TRAF5: variants seen among roughly 807,000 people sequenced by gnomAD.
The protein encoded by TRAF5 is TNF receptor-associated factor 5.
A neutral mutation model predicts 64.5 loss-of-function variants in TRAF5; 48 were observed. The observed-to-expected ratio is 0.74, with a 90% CI of 0.59 to 0.95. The LOEUF is 0.95. TRAF5 is among the 40% of genes least tolerant of loss of function. TRAF5 has a pLI of 0.00. For synonymous variants in TRAF5, 206 were observed against 240.5 expected (o/e 0.86, Z 1.33); for missense variants, 545 against 662.8 (o/e 0.82, Z 1.95).
chr1:211,346,008 C>G (rs1055618200), intron 1 of TRAF5, among the ~76,000 whole-genome samples: 1 of 152,228 alleles, frequency 6.6e-6, no homozygotes, highest in African/African-American at 2.4e-5. Flanking sequence ...GGCAAACAGG[C>G]AAATGACTGG....
At position 211,326,944 on chromosome 1, in the gene TRAF5, GGGACACCGAC is replaced by G; in HGVS notation, c.-2+57_-2+66del. On this transcript the variant is annotated intron_variant, in intron 1 of 10. Transcript: ENST00000261464. This position sits in a 1 kb window ranked among gnomAD's most constrained non-coding sequence, Gnocchi z 5.0. The stretch of plus-strand genomic sequence containing the variant: ...CCCTCGCGACGGAAGGGCCGGGGTG[GGGACACCGAC>G]GAGCGCTTTTCATCTCGTCCCAGTT... 1.0e-6 allele frequency: 1 copy of G among 980,418 alleles called. No homozygotes were observed. Among genetic ancestry groups the G allele is most frequent in the Non-Finnish European group, 1.2e-6 (1 of 825,232 alleles). The allele number at this position is 980,418 out of a possible 1,614,324, so 60.7% of individuals were successfully genotyped here. A position where few individuals can be genotyped will look rare whatever the true frequency, so the allele number is the denominator to read the frequency against.
rs1183774719 is a variant in TRAF5 at position 211,372,671 on chromosome 1, C to T, written c.1643C>T (p.Ala548Val). ...GATGACACTCTGTTCTTGAAAGTGGCCGTGGACTTAACTGACCTGGAGGAT... is the reference window on the plus strand; with the variant it reads ...GATGACACTCTGTTCTTGAAAGTGGTCGTGGACTTAACTGACCTGGAGGAT... Reference protein sequence around the residue: ...IKDDTLFLKVAVDLTDLEDL With the variant: ...IKDDTLFLKVVVDLTDLEDL The change falls in exon 11 of 11, where the codon GCC becomes GTC. Residue 548 changes from alanine (A) to valine (V), a missense_variant. Transcript: ENST00000261464. 2 of 1,614,000 alleles carry T rather than the reference C, an allele frequency of 1.2e-6. No individual in the cohort carries two copies. The highest frequency in any genetic ancestry group is 4.5e-5 in the East Asian group (2 of 44,902).
chr1:211,331,571 G>A (rs1197580013), intron 1 of TRAF5, among the ~76,000 whole-genome samples: 1 of 152,152 alleles, frequency 6.6e-6, no homozygotes, highest in Non-Finnish European at 1.5e-5. Context: ...GAGCATTGTG[G>A]GGTTTCTGGG....
chr1:211,371,602 A>C, intron 10 of TRAF5, 132 bp downstream of exon 10: 1 of 984,874 alleles, frequency 1.0e-6, no homozygotes, highest in Non-Finnish European at 1.5e-6. Flanking sequence ...CTATTTGTGA[A>C]AGAGAATGGT....
upstream of TRAF5, chr1:211,326,808 T>G (rs1702025151): frequency 1.0e-6 from 1 of 983,912 alleles, no homozygotes; most frequent in Non-Finnish European, 1.2e-6. This position sits in a 1 kb window ranked among gnomAD's most constrained non-coding sequence, Gnocchi z 5.0. Flanking sequence ...TCGCCTCCGC[T>G]TCGCCGCCGC....
At chr1:211,338,623 T>C (rs1389205027) in intron 1 of TRAF5, among the ~76,000 whole-genome samples, 7 of 152,224 alleles carry the variant, frequency 4.6e-5, no homozygotes, top group African/African-American at 1.7e-4. Context: ...TAGCAGGTAC[T>C]ATTATTGTCT....
At chr1:211,338,388 A>G (rs1362004794) in intron 1 of TRAF5, among the ~76,000 whole-genome samples, 1 of 152,184 alleles carries the variant, frequency 6.6e-6, no homozygotes, top group Non-Finnish European at 1.5e-5. Flanking sequence ...GCATATCCCT[A>G]CCTTGACTGA....
chr1:211,328,253 G>T (rs1285038382), intron 1 of TRAF5, among the ~76,000 whole-genome samples: 1 of 152,242 alleles, frequency 6.6e-6, no homozygotes, highest in Non-Finnish European at 1.5e-5. Context: ...AGAAATTGCT[G>T]CAGGAACGAT....
At chr1:211,345,106 A>G (rs1285132640) in intron 1 of TRAF5, among the ~76,000 whole-genome samples, 1 of 152,160 alleles carries the variant, frequency 6.6e-6, no homozygotes, top group East Asian at 1.9e-4. Context: ...TAGTAGAGAC[A>G]GGATTTCTCC....
In TRAF5 at chr1:211,372,584, C is replaced by T. The variant is rs754396881; in HGVS notation, c.1556C>T (p.Ser519Phe). The change falls in exon 11 of 11, where the codon TCT (serine) becomes TTT (phenylalanine). Residue 519 changes from serine to phenylalanine, a missense_variant. Coordinates refer to ENST00000261464, the MANE Select transcript of TRAF5 (RefSeq NM_001033910.3). ...CCTGATGGGGAGATGAACATTGCATCTGGCTGTCCCCGCTTTGTGGCTCAT... is the reference window on the plus strand; with the variant it reads ...CCTGATGGGGAGATGAACATTGCATTTGGCTGTCCCCGCTTTGTGGCTCAT... ...KRPDGEMNIA[S>F]GCPRFVAHSV... The T allele has an allele frequency of 1.9e-6, 3 of 1,614,220 alleles. No homozygotes were observed. Among genetic ancestry groups the T allele is most frequent in the East Asian group, 2.2e-5 (1 of 44,884 alleles).
At chr1:211,352,350 T>C (rs1169244940) in intron 1 of TRAF5, among the ~76,000 whole-genome samples, 1 of 150,570 alleles carries the variant, frequency 6.6e-6, no homozygotes, top group African/African-American at 2.5e-5. Context: ...AAGACCATGA[T>C]TATATTACCT....
chr1:211,330,435 C>A (rs556458629), intron 1 of TRAF5, among the ~76,000 whole-genome samples: 1 of 151,694 alleles, frequency 6.6e-6, no homozygotes, highest in East Asian at 1.9e-4. Context: ...ACCTTTTCCA[C>A]GTACACTCCC....
chr1:211,352,606 A>G (rs1297895436), intron 1 of TRAF5, among the ~76,000 whole-genome samples: 2 of 152,000 alleles, frequency 1.3e-5, no homozygotes, highest in Non-Finnish European at 2.9e-5. Flanking sequence ...AGCCTGGGCT[A>G]CAGAGTGAGA....
chr1:211,345,074 A>ACGTC (rs1702561272), intron 1 of TRAF5, among the ~76,000 whole-genome samples: 1 of 152,108 alleles, frequency 6.6e-6, no homozygotes, highest in Non-Finnish European at 1.5e-5. Flanking sequence ...ATGCGCCACC[A>ACGTC]TGCCCAGCTA....
intron 8 of TRAF5, among the ~76,000 whole-genome samples, chr1:211,368,080 T>G (rs1703412060): frequency 2.0e-5 from 3 of 152,082 alleles, no homozygotes. Context: ...AGTGGAGGCT[T>G]AAAAAGTGGT....
At chr1:211,357,680 TATC>T (rs1475082652) in intron 4 of TRAF5, 8 of 152,192 alleles carry the variant, frequency 5.3e-5, no homozygotes, top group African/African-American at 1.9e-4. Flanking sequence ...TGAGGAGTAA[TATC>T]AACCAATTTT....
At chr1:211,369,664 C>T in intron 9 of TRAF5, 72 bp downstream of exon 9, 2 of 1,382,424 alleles carry the variant, frequency 1.4e-6, no homozygotes, top group Non-Finnish European at 1.9e-6. Context: ...CTTTTAACTT[C>T]TTAAATAGAA....
intron 1 of TRAF5, among the ~76,000 whole-genome samples, chr1:211,340,263 G>A (rs1305750758): frequency 6.6e-6 from 1 of 152,102 alleles, no homozygotes; most frequent in African/African-American, 2.4e-5. Flanking sequence ...CACTTTACGA[G>A]TGTTTGTGCT....
intron 8 of TRAF5, among the ~76,000 whole-genome samples, chr1:211,368,215 G>T (rs964934117): frequency 2.0e-5 from 3 of 152,110 alleles, no homozygotes; most frequent in African/African-American, 4.8e-5. Context: ...GTAGCCAGGG[G>T]CAGGTCACGT....
Sources: allele counts gnomAD v4.1 joint callset (sites outside exome capture counted in the v4.1 genomes callset), GRCh38; gene constraint gnomAD v4.1.1; non-coding constraint Gnocchi (gnomAD v3.1); transcripts MANE v1.5; gene names NCBI Gene and HGNC (gene_info 2026-07-23, HGNC 2026-07-21).